FARP2: variants seen among roughly 807,000 people sequenced by gnomAD.
FARP2 encodes the protein FERM, ARHGEF and pleckstrin domain-containing protein 2.
A neutral mutation model predicts 130.5 loss-of-function variants in FARP2; 111 were observed. That is an observed-to-expected ratio of 0.85 (90% CI 0.73 to 1.00). FARP2 has a LOEUF of 1.00. FARP2 is among the 50% of genes least tolerant of loss of function. FARP2 has a pLI of 0.00. For synonymous variants in FARP2, 504 were observed against 516.9 expected, an observed-to-expected ratio of 0.98 and a Z score of 0.34; for missense variants, 1,385 against 1,346.3, an observed-to-expected ratio of 1.03 and a Z score of -0.45.
chr2:241,454,414 G>A (rs1198871025), intron 13 of FARP2, among the ~76,000 whole-genome samples: 3 of 152,220 alleles, frequency 2.0e-5, no homozygotes, highest in Non-Finnish European at 4.4e-5. Context: ...CAACACAGTT[G>A]TGAAGAGTAA....
At position 241,411,030 on chromosome 2, in the gene FARP2, T is replaced by C. The variant is rs1192279077; in HGVS notation, c.411-3T>C. ...CTCTGTCTTATTTTGAACTCTCTTC[T>C]AGATACTTGTTTGCCTTGCAACTTA... On this transcript the variant is annotated splice_region_variant and splice_polypyrimidine_tract_variant and intron_variant, in intron 5 of 26. Transcript: ENST00000264042. The C allele has an allele frequency of 1.3e-6, 2 of 1,594,406 alleles. No individual in the cohort carries two copies. Among genetic ancestry groups the C allele is most frequent in the Non-Finnish European group, 1.7e-6 (2 of 1,164,674 alleles).
intron 7 of FARP2, 57 bp downstream of exon 7, chr2:241,413,478 G>A: frequency 1.7e-6 from 2 of 1,198,938 alleles, no homozygotes; most frequent in East Asian, 2.4e-5. Context: ...ACTAAAGAGT[G>A]TGTAACGAGA....
chr2:241,429,289 A>G (rs1474772316), intron 8 of FARP2, among the ~76,000 whole-genome samples: 1 of 151,792 alleles, frequency 6.6e-6, no homozygotes, highest in Non-Finnish European at 1.5e-5. Context: ...TCTAGGAGCA[A>G]ATGCTGTACC....
intron 1 of FARP2, among the ~76,000 whole-genome samples, chr2:241,359,652 C>T (rs1359437329): frequency 2.0e-5 from 3 of 152,214 alleles, no homozygotes; most frequent in African/African-American, 4.8e-5. Flanking sequence ...CTGCCTCTTT[C>T]TTTCTGCTCT....
intron 8 of FARP2, among the ~76,000 whole-genome samples, chr2:241,427,568 A>G (rs1341581461): frequency 3.3e-5 from 5 of 152,234 alleles, no homozygotes; most frequent in Non-Finnish European, 5.9e-5. Flanking sequence ...CAGAGCCTCA[A>G]GATTTATAGA....
chr2:241,457,116 CCTCTTAT>C (rs2063867255), intron 14 of FARP2, among the ~76,000 whole-genome samples, 194 bp downstream of exon 14: 1 of 152,214 alleles, frequency 6.6e-6, no homozygotes, highest in Non-Finnish European at 1.5e-5. Flanking sequence ...CTGAGACTTT[CCTCTTAT>C]CTCTGGGACT....
intron 2 of FARP2, among the ~76,000 whole-genome samples, chr2:241,376,569 A>C (rs1340959891): frequency 6.6e-6 from 1 of 152,218 alleles, no homozygotes; most frequent in African/African-American, 2.4e-5. Flanking sequence ...CCACAGAGGC[A>C]GGCTTGTCCC....
At position 241,464,793 on chromosome 2, in the gene FARP2, A is replaced by G. The variant is rs559773590; in HGVS notation, c.1893+813A>G. Among the ~76,000 whole-genome samples the G allele has an allele frequency of 3.2e-4, 49 of 152,052 alleles. No homozygotes were observed. The East Asian group carries it at 3.5e-3, about 11-fold the overall frequency. On this transcript the variant is annotated intron_variant, in intron 17 of 26. Transcript: ENST00000264042. ...CAGAACAGGGTCTCCTCAGAACTCT[A>G]TCTTCCTCAAACAGGATCCTACTCT...
Position 241,475,748 on chromosome 2 carries a change from C to T in FARP2, c.2132-109C>T. The T allele has an allele frequency of 1.0e-6, 1 of 990,928 alleles. No individual in the cohort carries two copies. The highest frequency in any genetic ancestry group is 1.4e-6 in the Non-Finnish European group (1 of 718,128). The allele number at this position is 990,928 out of a possible 1,614,324, so 61.4% of individuals were successfully genotyped here. A position where few individuals can be genotyped will look rare whatever the true frequency, so the allele number is the denominator to read the frequency against. On this transcript the variant is annotated intron_variant, in intron 18 of 26. Coordinates refer to ENST00000264042, the MANE Select transcript of FARP2 (RefSeq NM_014808.4). This position sits in a 1 kb window ranked among gnomAD's most constrained non-coding sequence, Gnocchi z 4.4. The stretch of plus-strand genomic sequence containing the variant: ...ATAAGGAGTCGAGTAGGATGTACCT[C>T]TAATTAGAACTGCCTTTTAGAATGC...
At chr2:241,474,361 G>C (rs1471627471) in intron 18 of FARP2, among the ~76,000 whole-genome samples, 2 of 135,204 alleles carry the variant, frequency 1.5e-5, no homozygotes, top group East Asian at 4.9e-4. Context: ...GATAGAGCTG[G>C]AACAGTCAGG....
chr2:241,468,804 G>A (rs2240480), intron 18 of FARP2, among the ~76,000 whole-genome samples: 121,801 of 152,266 alleles, frequency 0.8, 48,881 homozygotes, highest in East Asian at 0.95. Flanking sequence ...GCTCTAAAAC[G>A]TACAAAAGAT....
chr2:241,408,370 T>C (rs1329655068), intron 5 of FARP2, among the ~76,000 whole-genome samples: 2 of 149,238 alleles, frequency 1.3e-5, no homozygotes, highest in Non-Finnish European at 3.0e-5. Context: ...AGACTCCGTC[T>C]CAAAAAAAAA....
chr2:241,457,579 C>T (rs1175376644), intron 14 of FARP2, among the ~76,000 whole-genome samples: 3 of 84,786 alleles, frequency 3.5e-5, no homozygotes, highest in Non-Finnish European at 6.9e-5. Context: ...GGCTCTTGGG[C>T]GGGAGACCCA....
intron 21 of FARP2, among the ~76,000 whole-genome samples, chr2:241,487,589 C>A (rs1159624803): frequency 6.6e-6 from 1 of 151,068 alleles, no homozygotes; most frequent in South Asian, 2.1e-4. Context: ...ATCACTTGAA[C>A]CTGGGAGGCG....
intron 2 of FARP2, among the ~76,000 whole-genome samples, chr2:241,381,475 C>T (rs1049317125): frequency 3.3e-5 from 5 of 152,122 alleles, no homozygotes; most frequent in African/African-American, 1.2e-4. Context: ...CCATTTCTTT[C>T]TCACCCTCAT....
chr2:241,392,449 C>A (rs1053558353), intron 2 of FARP2, among the ~76,000 whole-genome samples: 16 of 152,194 alleles, frequency 1.1e-4, no homozygotes, highest in African/African-American at 3.9e-4. Context: ...TCATGTTGTA[C>A]TGTTTCCTTG....
At position 241,356,399 on chromosome 2, in the gene FARP2, G is replaced by A. The variant is rs1335948618; in HGVS notation, c.-25+11G>A. The A allele has an allele frequency of 6.6e-6, 1 of 152,186 alleles. No individual in the cohort carries two copies. The highest frequency in any genetic ancestry group is 2.4e-5 in the African/African-American group (1 of 41,438). The allele number at this position is 152,186 out of a possible 1,614,324, so 9.4% of individuals were successfully genotyped here. On this transcript the variant is annotated intron_variant, in intron 1 of 26. Transcript: ENST00000264042. ...AGCGAGAGGCCGAGGGTGAGGACGT[G>A]AAGCGGCCTGGGCGCGTGGGGCAGG... is the stretch of plus-strand genomic sequence containing the variant.
chr2:241,387,360 A>G (rs1460984614), intron 2 of FARP2: 1 of 152,240 alleles, frequency 6.6e-6, no homozygotes, highest in African/African-American at 2.4e-5. Context: ...GAAAAGTTTA[A>G]CATACCTGTC....
In FARP2 at chr2:241,477,123, C is replaced by CTTTTTTT. The variant is rs71406462; in HGVS notation, c.2262+1151_2262+1157dup. Among the ~76,000 whole-genome samples, 106 of 122,632 alleles carry CTTTTTTT rather than the reference C, an allele frequency of 8.6e-4. 1 individual carries two copies. The highest frequency in any genetic ancestry group is 2.0e-3 in the Admixed American group (20 of 10,082). The allele number at this position is 122,632 out of a possible 152,430, so 80.5% of individuals were successfully genotyped here. ...ATCTTTTCAAGGTTCATTCATGTTC[C>CTTTTTTT]TTTTTTTTTTTTTTTTTTTTTATTT... On this transcript the variant is annotated intron_variant, in intron 19 of 26. Coordinates refer to ENST00000264042, the MANE Select transcript of FARP2 (RefSeq NM_014808.4).
Sources: gnomAD v4.1 joint callset for allele counts (sites outside exome capture counted in the v4.1 genomes callset) on GRCh38, gnomAD v4.1.1 for gene constraint, Gnocchi (gnomAD v3.1) non-coding constraint, MANE v1.5 for transcripts, NCBI Gene and HGNC (gene_info 2026-07-23, HGNC 2026-07-21) for gene names.